L2HGDH: variants seen among roughly 807,000 people sequenced by gnomAD.
L2HGDH encodes the protein L-2-hydroxyglutarate dehydrogenase.
In L2HGDH, 34 loss-of-function variants were observed where a neutral mutation model predicts 51.5. That is an observed-to-expected ratio of 0.66 (90% CI 0.50 to 0.88). L2HGDH has a LOEUF of 0.88. L2HGDH is among the 40% of genes least tolerant of loss of function. L2HGDH has a pLI of 0.00. For missense variants in L2HGDH, 558 were observed against 571.9 expected (o/e 0.98, Z 0.25); for synonymous variants, 198 against 197.9 (o/e 1.00, Z -0.01).
At position 50,287,691 on chromosome 14, in the gene L2HGDH, CTTTTTTT is replaced by C. The variant is rs911689718; in HGVS notation, c.541-3665_541-3659del. 7.3e-4 allele frequency among the ~76,000 whole-genome samples: 62 copies of C among 85,258 alleles called. 1 individual carries two copies. The highest frequency in any genetic ancestry group is 1.4e-3 in the Admixed American group (9 of 6,372). 55.9% of individuals were successfully genotyped at this position (85,258 alleles called of 152,430 possible). A position where few individuals can be genotyped will look rare whatever the true frequency, so the allele number is the denominator to read the frequency against. ...ACATAATTATATTTTTATTTTTTTCCTTTTTTTTTTTTTTTTTTTTTTTTGAGACAGA... is the reference window on the plus strand; with the variant it reads ...ACATAATTATATTTTTATTTTTTTCCTTTTTTTTTTTTTTTTTGAGACAGA... On this transcript the variant is annotated intron_variant, in intron 4 of 9. Coordinates refer to ENST00000267436, the MANE Select transcript of L2HGDH (RefSeq NM_024884.3).
intron 6 of L2HGDH, among the ~76,000 whole-genome samples, chr14:50,270,010 T>A (rs1484442452): frequency 6.6e-6 from 1 of 152,202 alleles, no homozygotes. Flanking sequence ...GCAATTACCG[T>A]GTTACTCTTC....
chr14:50,259,346 T>G (rs559409684), intron 9 of L2HGDH, among the ~76,000 whole-genome samples: 1 of 143,692 alleles, frequency 7.0e-6, no homozygotes, highest in South Asian at 2.2e-4. Context: ...TTCTTTTCTT[T>G]CTGTTTTTTT....
At chr14:50,281,608 A>C (rs1890275538) in intron 5 of L2HGDH, among the ~76,000 whole-genome samples, 1 of 152,154 alleles carries the variant, frequency 6.6e-6, no homozygotes, top group African/African-American at 2.4e-5. Flanking sequence ...AAATAAAATA[A>C]ATAAAATAAA....
chr14:50,304,728 G>A (rs749478671), intron 1 of L2HGDH, among the ~76,000 whole-genome samples: 21 of 152,106 alleles, frequency 1.4e-4, no homozygotes, highest in East Asian at 5.8e-4. Context: ...CCAGCTACTC[G>A]GGAGGCTGAG....
chr14:50,282,343 T>C lies in L2HGDH; in HGVS notation c.703+1528A>G, dbSNP rs1890321083. ...CTGCAATTACCTTGGTGTCCTACTT[T>C]CCTAGTCCAGCCTCTTAGCTTCCAC... is the stretch of plus-strand genomic sequence containing the variant. On this transcript the variant is annotated intron_variant, in intron 5 of 9. Transcript: ENST00000267436. 9.6e-6 allele frequency: 4 copies of C among 415,356 alleles called. No homozygotes were observed. The East Asian group carries it at 2.1e-4, about 22-fold the overall frequency. 25.7% of individuals were successfully genotyped at this position (415,356 alleles called of 1,614,324 possible).
Position 50,269,348 on chromosome 14 carries a change from AAC to A in L2HGDH, c.739-20_739-19del, listed in dbSNP as rs1266829617. ...TCCTCTCCCTAGTGCAAAATAAAAG[AAC>A]AGTTATTTGTATAAAGTGGAGTAGA... is the stretch of plus-strand genomic sequence containing the variant. On this transcript the variant is annotated intron_variant, in intron 6 of 9. Transcript: ENST00000267436. 4 of 1,611,356 alleles carry A rather than the reference AAC, an allele frequency of 2.5e-6. No homozygotes were observed. The highest frequency in any genetic ancestry group is 3.4e-6 in the Non-Finnish European group (4 of 1,177,652).
intron 4 of L2HGDH, among the ~76,000 whole-genome samples, chr14:50,284,923 C>T (rs1890484809): frequency 6.6e-6 from 1 of 152,160 alleles, no homozygotes; most frequent in Non-Finnish European, 1.5e-5. Context: ...ACCATCACCC[C>T]AACATATTCC....
At chr14:50,250,067 G>T (rs915355220) in intron 9 of L2HGDH, among the ~76,000 whole-genome samples, 1 of 151,784 alleles carries the variant, frequency 6.6e-6, no homozygotes, top group Non-Finnish European at 1.5e-5. Flanking sequence ...ACGCCCAGCT[G>T]ATTTTTGTAT....
At chr14:50,274,720 T>C (rs1889878565) in intron 6 of L2HGDH, among the ~76,000 whole-genome samples, 1 of 152,146 alleles carries the variant, frequency 6.6e-6, no homozygotes, top group Admixed American at 6.5e-5. Flanking sequence ...AGAACAACGT[T>C]AAGTGTCCAT....
chr14:50,269,111 A>G, intron 7 of L2HGDH, 52 bp downstream of exon 7: 1 of 1,558,094 alleles, frequency 6.4e-7, no homozygotes, highest in South Asian at 1.1e-5. Context: ...CATCTCCTTT[A>G]TGACCACCAC....
intron 1 of L2HGDH, among the ~76,000 whole-genome samples, chr14:50,303,457 A>AT (rs2139217192): frequency 1.1e-5 from 1 of 95,026 alleles, no homozygotes; most frequent in African/African-American, 4.2e-5. Flanking sequence ...TTTCACATGT[A>AT]TTAAAAAAAA....
chr14:50,256,340 C>T (rs1888664021), intron 9 of L2HGDH, among the ~76,000 whole-genome samples: 1 of 78,510 alleles, frequency 1.3e-5, no homozygotes. Context: ...TATAGGGAGA[C>T]TCTGTCTCTA....
chr14:50,263,546 T>C (rs939043366), intron 9 of L2HGDH, among the ~76,000 whole-genome samples: 2 of 152,184 alleles, frequency 1.3e-5, no homozygotes, highest in African/African-American at 2.4e-5. Flanking sequence ...ACCAGGCTAG[T>C]TCAGCAGCTG....
intron 6 of L2HGDH, 64 bp downstream of exon 6, chr14:50,278,456 A>T: frequency 9.8e-7 from 1 of 1,020,950 alleles, no homozygotes; most frequent in Non-Finnish European, 1.5e-6. Flanking sequence ...CCTGTGGGTT[A>T]ATTTAATTTT....
At chr14:50,249,963 G>A (rs1595060547) in intron 9 of L2HGDH, among the ~76,000 whole-genome samples, 1 of 131,834 alleles carries the variant, frequency 7.6e-6, no homozygotes, top group South Asian at 2.5e-4. Flanking sequence ...GTGAAGTGGC[G>A]TGACCTCGGC....
intron 9 of L2HGDH, among the ~76,000 whole-genome samples, chr14:50,253,233 A>G (rs1185883072): frequency 6.6e-6 from 1 of 152,120 alleles, no homozygotes; most frequent in Non-Finnish European, 1.5e-5. Flanking sequence ...ACAATCAACA[A>G]AGTGAAGAGA....
At chr14:50,283,433 C>T (rs1203391506) in intron 5 of L2HGDH, among the ~76,000 whole-genome samples, 1 of 152,102 alleles carries the variant, frequency 6.6e-6, no homozygotes, top group African/African-American at 2.4e-5. Flanking sequence ...TCTGGTTCTG[C>T]ACCATACTCT....
intron 5 of L2HGDH, 22 bp from the exon 6 acceptor site, chr14:50,278,576 A>C: frequency 7.7e-7 from 1 of 1,290,462 alleles, no homozygotes; most frequent in Non-Finnish European, 1.1e-6. Context: ...GAATAAGTGA[A>C]AAATTTATTT....
chr14:50,265,415 G>A lies in L2HGDH; in HGVS notation c.1139C>T (p.Ala380Val). The A allele has an allele frequency of 1.9e-6, 3 of 1,611,992 alleles. No homozygotes were observed. The highest frequency in any genetic ancestry group is 2.5e-6 in the Non-Finnish European group (3 of 1,178,288). The change falls in exon 9 of 10, where the codon GCA (alanine) becomes GTA (valine). Residue 380 changes from alanine to valine, a missense_variant. Transcript: ENST00000267436. ...TEMYKACFLG[A>V]TVKYLQKFIP... ...GAATTTTTGAAGATACTTCACTGTT[G>A]CACCAAGAAAACATGCTTTATACAT... is the stretch of plus-strand genomic sequence containing the variant.
Sources: gnomAD v4.1 joint callset for allele counts (sites outside exome capture counted in the v4.1 genomes callset) on GRCh38, gnomAD v4.1.1 for gene constraint, MANE v1.5 for transcripts, NCBI Gene and HGNC (gene_info 2026-07-23, HGNC 2026-07-21) for gene names.